Variants in XKR6 observed in about 807,000 individuals in gnomAD.
XKR6 encodes the protein XK-related protein 6.
In XKR6, 22 loss-of-function variants were observed where a neutral mutation model predicts 56.7. That is an observed-to-expected ratio of 0.39 (90% CI 0.28 to 0.55). The LOEUF (loss-of-function observed/expected upper bound fraction) is 0.55, where lower values mean the gene tolerates loss of function less well. Ranked by LOEUF, XKR6 falls within the 20% of genes least tolerant of loss-of-function variation. The pLI is 0.66. For missense variants in XKR6, 852 were observed against 889.0 expected (o/e 0.96, Z 0.53); for synonymous variants, 524 against 387.8 (o/e 1.35, Z -4.13).
At chr8:10,919,782 A>G (rs1330556370) in intron 2 of XKR6, among the ~76,000 whole-genome samples, 1 of 152,166 alleles carries the variant, frequency 6.6e-6, no homozygotes, top group Non-Finnish European at 1.5e-5. Flanking sequence ...GAGCCTTAGC[A>G]GACACAAGAC....
chr8:11,066,289 G>A (rs1799976783), intron 1 of XKR6, among the ~76,000 whole-genome samples: 2 of 152,174 alleles, frequency 1.3e-5, no homozygotes, highest in African/African-American at 2.4e-5. Flanking sequence ...ACTATTTTTA[G>A]CCTTCATTTC....
intron 1 of XKR6, among the ~76,000 whole-genome samples, chr8:10,931,675 G>T (rs1801053262): frequency 6.6e-6 from 1 of 152,098 alleles, no homozygotes; most frequent in Non-Finnish European, 1.5e-5. Context: ...AAATGATGTA[G>T]TAATAATAAG....
intron 1 of XKR6, among the ~76,000 whole-genome samples, chr8:11,077,131 C>G (rs943414550): frequency 6.6e-5 from 10 of 152,118 alleles, no homozygotes; most frequent in Admixed American, 6.5e-4. Context: ...GAGCCATGAT[C>G]ACACCACTGC....
chr8:11,139,598 A>C (rs897559550), intron 1 of XKR6, among the ~76,000 whole-genome samples: 1 of 152,174 alleles, frequency 6.6e-6, no homozygotes, highest in African/African-American at 2.4e-5. Context: ...TCCCGCTCCA[A>C]GCCAAGGCCT....
At chr8:11,136,394 C>T (rs13281566) in intron 1 of XKR6, among the ~76,000 whole-genome samples, 58,578 of 151,828 alleles carry the variant, frequency 0.39, 12,087 homozygotes, top group African/African-American at 0.48. Flanking sequence ...ATCCCAGCTA[C>T]TCAGAAGGTT....
At chr8:10,973,939 T>C (rs919380270) in intron 1 of XKR6, among the ~76,000 whole-genome samples, 4 of 152,258 alleles carry the variant, frequency 2.6e-5, no homozygotes, top group Non-Finnish European at 5.9e-5. Flanking sequence ...ATAGATACTT[T>C]CTAAATGACT....
In XKR6 at chr8:11,053,165, T is replaced by C. The variant is rs976696943; in HGVS notation, c.765-128335A>G. Reference sequence around the variant, plus strand: ...GCAGGAGCAGCAGGCTGGGATCCGCTATAGGCTGCCATGTGCCATTGTGGA... The same window carrying C: ...GCAGGAGCAGCAGGCTGGGATCCGCCATAGGCTGCCATGTGCCATTGTGGA... On this transcript the variant is annotated intron_variant, in intron 1 of 2. Coordinates refer to ENST00000416569, the MANE Select transcript of XKR6 (RefSeq NM_173683.4). Among the ~76,000 whole-genome samples, 4 of 152,224 alleles carry C rather than the reference T, an allele frequency of 2.6e-5. No individual in the cohort carries two copies. The South Asian group carries it at 8.3e-4, about 32-fold the overall frequency.
intron 1 of XKR6, among the ~76,000 whole-genome samples, chr8:11,120,642 C>T (rs1799407433): frequency 6.6e-6 from 1 of 152,104 alleles, no homozygotes; most frequent in South Asian, 2.1e-4. Flanking sequence ...ATGCCATCCC[C>T]ATCAAGCTAC....
At chr8:11,010,353 T>C (rs979977684) in intron 1 of XKR6, among the ~76,000 whole-genome samples, 1 of 152,178 alleles carries the variant, frequency 6.6e-6, no homozygotes, top group Non-Finnish European at 1.5e-5. Flanking sequence ...ATCCAAACCA[T>C]ACCAATAATA....
intron 1 of XKR6, chr8:11,066,880 C>G (rs1326417544): frequency 6.6e-6 from 1 of 152,174 alleles, no homozygotes; most frequent in African/African-American, 2.4e-5. Flanking sequence ...CACAGTGGTC[C>G]CCGGAACCCA....
chr8:11,105,850 T>C (rs1201769308), intron 1 of XKR6: 1 of 152,216 alleles, frequency 6.6e-6, no homozygotes, highest in Non-Finnish European at 1.5e-5. Context: ...TTTTCATACA[T>C]GGAACACAAA....
At chr8:10,948,652 C>G (rs543011055) in intron 1 of XKR6, among the ~76,000 whole-genome samples, 1 of 152,276 alleles carries the variant, frequency 6.6e-6, no homozygotes, top group African/African-American at 2.4e-5. Flanking sequence ...CACCTCCCAC[C>G]CCGCAGGACC....
intron 1 of XKR6, among the ~76,000 whole-genome samples, chr8:11,088,427 G>T (rs1028705192): frequency 6.6e-6 from 1 of 152,100 alleles, no homozygotes; most frequent in Non-Finnish European, 1.5e-5. Context: ...GCTTTGTCAC[G>T]TTACTCATTT....
intron 2 of XKR6, among the ~76,000 whole-genome samples, chr8:10,912,103 T>C (rs926849138): frequency 2.0e-5 from 3 of 149,872 alleles, no homozygotes; most frequent in African/African-American, 7.4e-5. Flanking sequence ...TATCTGTGTG[T>C]GTGTATATAT....
chr8:10,959,225 G>A (rs901157701), intron 1 of XKR6, among the ~76,000 whole-genome samples: 2 of 152,152 alleles, frequency 1.3e-5, no homozygotes, highest in African/African-American at 4.8e-5. Context: ...CTATGGTGAG[G>A]CCTGGCCTGG....
chr8:11,109,060 G>C (rs552715983), intron 1 of XKR6: 4 of 152,094 alleles, frequency 2.6e-5, no homozygotes, highest in Non-Finnish European at 5.9e-5. Flanking sequence ...GTGATATGCC[G>C]GGCTATGAAG....
At position 11,193,256 on chromosome 8, in the gene XKR6, C is replaced by T. The variant is rs193059833; in HGVS notation, c.764+7320G>A. ...TGCTTCCTCATTTAAACTAAGAAGA[C>T]AAAAACACTCCATTCAAAACAAAAA... On this transcript the variant is annotated intron_variant, in intron 1 of 2. Coordinates refer to ENST00000416569, the MANE Select transcript of XKR6 (RefSeq NM_173683.4). Among the ~76,000 whole-genome samples, 13 of 152,218 alleles carry T rather than the reference C, an allele frequency of 8.5e-5. No individual in the cohort carries two copies. In the East Asian group the frequency reaches 1.7e-3, roughly 20 times the overall value.
chr8:11,129,773 G>C (rs1025497894), intron 1 of XKR6, among the ~76,000 whole-genome samples: 1 of 151,542 alleles, frequency 6.6e-6, no homozygotes, highest in East Asian at 1.9e-4. Flanking sequence ...AAACAGGACA[G>C]AGGGATCTTT....
chr8:11,042,762 A>G (rs148046004), intron 1 of XKR6, among the ~76,000 whole-genome samples: 4 of 151,822 alleles, frequency 2.6e-5, no homozygotes, highest in African/African-American at 7.3e-5. Flanking sequence ...TGGATTTCGG[A>G]TTTTCCCAGA....
Sources: allele counts gnomAD v4.1 joint callset (sites outside exome capture counted in the v4.1 genomes callset), GRCh38; gene constraint gnomAD v4.1.1; transcripts MANE v1.5; gene names NCBI Gene and HGNC (gene_info 2026-07-23, HGNC 2026-07-21).